Variants in PRKCB observed in about 807,000 individuals in gnomAD.
PRKCB encodes the protein protein kinase C beta.
Under a neutral mutation model 81.5 loss-of-function variants are expected in PRKCB, and 13 were observed. The ratio of observed to expected loss-of-function variants is 0.16; its 90% CI spans 0.10 to 0.25. The LOEUF (loss-of-function observed/expected upper bound fraction) is 0.25. PRKCB is among the 10% of genes least tolerant of loss of function. PRKCB has a pLI of 1.00. For missense variants in PRKCB, 509 were observed against 875.7 expected, an observed-to-expected ratio of 0.58 and a Z score of 5.29; for synonymous variants, 335 against 321.4, an observed-to-expected ratio of 1.04 and a Z score of -0.45.
chr16:23,929,534 C>T lies in PRKCB; in HGVS notation c.206-58974C>T, dbSNP rs560658007. 3.4e-3 allele frequency among the ~76,000 whole-genome samples: 524 copies of T among 152,200 alleles called. 3 individuals are homozygous for T. The highest frequency in any genetic ancestry group is 0.011 in the African/African-American group (472 of 41,548). ...AAACTAATGTGGAGAAGGCATTCTG[C>T]AGTGTCTGGAATTCAGCGACCCCTC... On this transcript the variant is annotated intron_variant, in intron 2 of 16. Coordinates refer to ENST00000643927, the MANE Select transcript of PRKCB (RefSeq NM_002738.7).
In PRKCB at chr16:24,191,906, G is replaced by A. The variant is rs1004567824; in HGVS notation, c.1863+676G>A. ...GTTTTCTATCCCCAAAGACTCAGCAGGAAGTACTTGTCGGCATCAGGAAAG... is the reference window on the plus strand; with the variant it reads ...GTTTTCTATCCCCAAAGACTCAGCAAGAAGTACTTGTCGGCATCAGGAAAG... On this transcript the variant is annotated intron_variant, in intron 16 of 16. Transcript: ENST00000643927. Among the ~76,000 whole-genome samples the A allele has an allele frequency of 2.6e-5, 4 of 152,210 alleles. No individual in the cohort carries two copies. In the East Asian group the frequency reaches 7.7e-4, roughly 29 times the overall value.
intron 12 of PRKCB, among the ~76,000 whole-genome samples, chr16:24,175,549 T>G: frequency 6.7e-6 from 1 of 150,020 alleles, no homozygotes; most frequent in African/African-American, 2.5e-5. Context: ...CAGGGGAGGG[T>G]GCTGGTGTAC....
chr16:23,925,710 C>CT (rs1374226675), intron 2 of PRKCB, among the ~76,000 whole-genome samples: 1 of 151,990 alleles, frequency 6.6e-6, no homozygotes, highest in South Asian at 2.1e-4. Flanking sequence ...AGAATCTGTG[C>CT]TTTTGGTATG....
intron 5 of PRKCB, 148 bp downstream of exon 5, chr16:24,035,695 G>A: frequency 1.0e-6 from 1 of 980,124 alleles, no homozygotes; most frequent in Non-Finnish European, 1.5e-6. Context: ...TCTGCCCCAT[G>A]CCCTGCCCAT....
At chr16:23,982,113 T>C (rs1353332357) in intron 2 of PRKCB, among the ~76,000 whole-genome samples, 38 of 33,438 alleles carry the variant, frequency 1.1e-3, no homozygotes, top group Non-Finnish European at 1.2e-3. Context: ...TTCCCTTCCC[T>C]TTCCCTTCCC....
In PRKCB at chr16:23,934,021, T is replaced by TCATCCATCCATCCATCCATC. The variant is rs67394616; in HGVS notation, c.206-54472_206-54453dup. Among the ~76,000 whole-genome samples the TCATCCATCCATCCATCCATC allele has an allele frequency of 1.2e-3, 168 of 142,490 alleles. 1 individual carries two copies. The highest frequency in any genetic ancestry group is 4.0e-3 in the African/African-American group (150 of 37,502). 93.5% of individuals were successfully genotyped at this position (142,490 alleles called of 152,430 possible). A position where few individuals can be genotyped will look rare whatever the true frequency, so the allele number is the denominator to read the frequency against. On this transcript the variant is annotated intron_variant, in intron 2 of 16. Coordinates refer to ENST00000643927, the MANE Select transcript of PRKCB (RefSeq NM_002738.7). The stretch of plus-strand genomic sequence containing the variant: ...TTCTGTTTGTTGATTTTCTACCCAC[T>TCATCCATCCATCCATCCATC]CATCCATCCATCCATCCATCCATCC...
chr16:24,005,820 G>A (rs577056316), intron 3 of PRKCB, among the ~76,000 whole-genome samples: 4 of 152,312 alleles, frequency 2.6e-5, no homozygotes, highest in East Asian at 1.9e-4. Context: ...GCTCAGTAAA[G>A]CAACGTAACA....
intron 10 of PRKCB, among the ~76,000 whole-genome samples, chr16:24,159,855 C>T (rs989605961): frequency 3.3e-5 from 5 of 152,122 alleles, no homozygotes; most frequent in South Asian, 2.1e-4. Flanking sequence ...GAGTGATGCA[C>T]GCACCCGTAG....
chr16:24,002,338 T>TGC (rs1302868685), intron 3 of PRKCB, among the ~76,000 whole-genome samples: 1 of 151,756 alleles, frequency 6.6e-6, no homozygotes, highest in Non-Finnish European at 1.5e-5. Flanking sequence ...CGTGTGTGTG[T>TGC]GTGCGTGCGT....
At chr16:23,893,121 T>C (rs1963320692) in intron 2 of PRKCB, 1 of 152,116 alleles carries the variant, frequency 6.6e-6, no homozygotes, top group African/African-American at 2.4e-5. Context: ...ACTACCTGAA[T>C]CCTTTCTCTT....
chr16:23,918,999 T>C (rs983127082), intron 2 of PRKCB, among the ~76,000 whole-genome samples: 10 of 152,242 alleles, frequency 6.6e-5, no homozygotes, highest in Non-Finnish European at 1.2e-4. Flanking sequence ...GGCTCAAACA[T>C]GTTTCTAGTA....
At chr16:24,036,319 A>G (rs35560006) in intron 5 of PRKCB, among the ~76,000 whole-genome samples, 19,777 of 152,174 alleles carry the variant, frequency 0.13, 1,542 homozygotes, top group East Asian at 0.21. Flanking sequence ...ACTCAGCAGC[A>G]CTGGCTTGAG....
At chr16:23,838,670 G>T (rs1338368471) in intron 2 of PRKCB, among the ~76,000 whole-genome samples, 1 of 152,202 alleles carries the variant, frequency 6.6e-6, no homozygotes, top group African/African-American at 2.4e-5. Flanking sequence ...ACCCTCCAGG[G>T]AAAAGTAAAG....
intron 3 of PRKCB, among the ~76,000 whole-genome samples, chr16:23,996,737 T>A (rs1272504833): frequency 6.6e-6 from 1 of 152,178 alleles, no homozygotes; most frequent in African/African-American, 2.4e-5. Flanking sequence ...GAACTCACAC[T>A]CATGGAATTC....
chr16:24,029,338 C>T (rs1965522147), intron 3 of PRKCB, among the ~76,000 whole-genome samples: 1 of 152,156 alleles, frequency 6.6e-6, no homozygotes, highest in Non-Finnish European at 1.5e-5. Context: ...GGCAGTTTCC[C>T]CCATGCTGTT....
At chr16:24,029,592 GCAGACTAATA>G (rs55990894) in intron 3 of PRKCB, among the ~76,000 whole-genome samples, 61,153 of 151,806 alleles carry the variant, frequency 0.4, 12,602 homozygotes, top group South Asian at 0.62. Context: ...CAGTATGAAA[GCAGACTAATA>G]CAGTATGGAA....
chr16:23,839,193 A>T (rs925128017), intron 2 of PRKCB, among the ~76,000 whole-genome samples: 3 of 152,136 alleles, frequency 2.0e-5, no homozygotes, highest in African/African-American at 7.2e-5. Flanking sequence ...CAAAGTCTGG[A>T]AGATAATAGG....
At chr16:23,918,392 A>G (rs1304690904) in intron 2 of PRKCB, among the ~76,000 whole-genome samples, 1 of 147,324 alleles carries the variant, frequency 6.8e-6, no homozygotes, top group Non-Finnish European at 1.5e-5. Context: ...TATTATTATT[A>G]TTATTATTAT....
At chr16:24,068,625 G>A (rs1966070877) in intron 5 of PRKCB, among the ~76,000 whole-genome samples, 1 of 151,986 alleles carries the variant, frequency 6.6e-6, no homozygotes, top group South Asian at 2.1e-4. Context: ...CAAGTGGTAT[G>A]ATATTAAATA....
Sources: allele counts gnomAD v4.1 joint callset (sites outside exome capture counted in the v4.1 genomes callset), GRCh38; gene constraint gnomAD v4.1.1; transcripts MANE v1.5; gene names NCBI Gene and HGNC (gene_info 2026-07-23, HGNC 2026-07-21).